REDIC1: variants seen among roughly 807,000 people sequenced by gnomAD.
REDIC1 encodes the protein regulator of DNA class I crossover intermediates 1, also known as HEI10 Interacting Protein 1.
At chr12:39,692,234 A>T in the REDIC1 span, 1 of 937,758 alleles carries the variant, frequency 1.1e-6, no homozygotes, top group Non-Finnish European at 1.5e-6. Context: ...TGGATATTTT[A>T]GTACTACTAA....
chr12:39,701,501 C>T, the REDIC1 span, among the ~76,000 whole-genome samples: 589 of 152,228 alleles, frequency 3.9e-3, 4 homozygotes, highest in African/African-American at 0.013. Context: ...GAGACTTTAA[C>T]ACCCCACTGT....
the REDIC1 span, chr12:39,819,965 A>C: frequency 1.3e-5 from 2 of 152,292 alleles, no homozygotes; most frequent in Admixed American, 6.5e-5. Flanking sequence ...TTATCTTTGC[A>C]GGTATAAATG....
the REDIC1 span, among the ~76,000 whole-genome samples, chr12:39,838,623 A>C: frequency 6.6e-6 from 1 of 152,094 alleles, no homozygotes; most frequent in South Asian, 2.1e-4. Context: ...CAATTAAAGT[A>C]AAAAAGAGCA....
At chr12:39,811,912 T>C in the REDIC1 span, among the ~76,000 whole-genome samples, 1 of 152,244 alleles carries the variant, frequency 6.6e-6, no homozygotes, top group Non-Finnish European at 1.5e-5. Flanking sequence ...CTGTCTTTTA[T>C]TGGAGTTTCT....
the REDIC1 span, among the ~76,000 whole-genome samples, chr12:39,702,405 A>G: frequency 2.6e-5 from 4 of 152,260 alleles, no homozygotes; most frequent in Admixed American, 2.6e-4. Context: ...ATCCCTGAAT[A>G]GGCCAATAAC....
the REDIC1 span, among the ~76,000 whole-genome samples, chr12:39,660,082 AT>A: frequency 6.6e-6 from 1 of 151,984 alleles, no homozygotes; most frequent in African/African-American, 2.4e-5. Context: ...TGGAATCAAA[AT>A]TTTCCCCCCT....
chr12:39,772,385 T>TATAGAA, the REDIC1 span, among the ~76,000 whole-genome samples: 1 of 152,138 alleles, frequency 6.6e-6, no homozygotes, highest in African/African-American at 2.4e-5. Flanking sequence ...TATAAGGGCT[T>TATAGAA]GCCAAAAGAA....
the REDIC1 span, among the ~76,000 whole-genome samples, chr12:39,855,187 T>C: frequency 6.6e-6 from 1 of 152,226 alleles, no homozygotes; most frequent in African/African-American, 2.4e-5. Flanking sequence ...ACTTAATGTG[T>C]TAATAAAGAA....
the REDIC1 span, chr12:39,756,360 C>T: frequency 2.6e-5 from 4 of 151,704 alleles, no homozygotes; most frequent in Non-Finnish European, 3.0e-5. Flanking sequence ...AAACTTGTCA[C>T]AACAAGTGAA....
At chr12:39,793,606 A>C in the REDIC1 span, among the ~76,000 whole-genome samples, 1 of 152,124 alleles carries the variant, frequency 6.6e-6, no homozygotes, top group South Asian at 2.1e-4. Flanking sequence ...GCCAACCAGA[A>C]TCTCTTCTGC....
At chr12:39,707,883 T>C in the REDIC1 span, among the ~76,000 whole-genome samples, 3 of 151,894 alleles carry the variant, frequency 2.0e-5, no homozygotes, top group Non-Finnish European at 4.4e-5. Context: ...CTGGAGGTTA[T>C]GTTAAGTGAA....
chr12:39,892,404 T>C, the REDIC1 span, among the ~76,000 whole-genome samples: 1 of 152,340 alleles, frequency 6.6e-6, no homozygotes, highest in African/African-American at 2.4e-5. Context: ...GGACCTACTG[T>C]TGGCATGGTA....
chr12:39,757,421 A>T, the REDIC1 span: 1 of 151,826 alleles, frequency 6.6e-6, no homozygotes, highest in Non-Finnish European at 1.5e-5. Flanking sequence ...CTGGGAACTT[A>T]AAAGGTGCCT....
chr12:39,880,778 C>A, the REDIC1 span, among the ~76,000 whole-genome samples: 2 of 152,188 alleles, frequency 1.3e-5, no homozygotes, highest in African/African-American at 4.8e-5. Context: ...CCTCTGGCGG[C>A]CTCAGGAAAG....
At chr12:39,828,840 T>G in the REDIC1 span, among the ~76,000 whole-genome samples, 3 of 152,288 alleles carry the variant, frequency 2.0e-5, no homozygotes, top group African/African-American at 7.2e-5. Context: ...AAACTGAGTA[T>G]TTTTAAAAGA....
the REDIC1 span, among the ~76,000 whole-genome samples, chr12:39,779,398 A>G: frequency 2.9e-4 from 44 of 152,180 alleles, no homozygotes; most frequent in Non-Finnish European, 5.9e-4. Context: ...GAATTCTTCT[A>G]TTTCCCTGGG....
the REDIC1 span, among the ~76,000 whole-genome samples, chr12:39,707,984 G>GT: frequency 6.6e-6 from 1 of 151,766 alleles, no homozygotes; most frequent in African/African-American, 2.4e-5. Context: ...AAATAAGAGG[G>GT]TAGAAGAATG....
the REDIC1 span, among the ~76,000 whole-genome samples, chr12:39,742,994 A>G: frequency 2.6e-5 from 4 of 152,142 alleles, no homozygotes; most frequent in Non-Finnish European, 4.4e-5. Context: ...TAAAAACTCC[A>G]TGGACCCCCC....
At chr12:39,643,772 AT>A in the REDIC1 span, 1 of 1,494,478 alleles carries the variant, frequency 6.7e-7, no homozygotes. Flanking sequence ...ATTTTTAATT[AT>A]TTTAGGAATA....
Sources: allele counts gnomAD v4.1 joint callset (sites outside exome capture counted in the v4.1 genomes callset), GRCh38; gene constraint gnomAD v4.1.1; transcripts MANE v1.5; gene names NCBI Gene and HGNC (gene_info 2026-07-23, HGNC 2026-07-21).